The following TENM3 variants were observed in gnomAD, a reference collection of about 807,000 sequenced individuals.
TENM3 encodes the protein teneurin-3.
A neutral mutation model predicts 255.1 loss-of-function variants in TENM3; 63 were observed. The ratio of observed to expected loss-of-function variants is 0.25; its 90% CI spans 0.20 to 0.30. TENM3 has a LOEUF of 0.30. Ranked by LOEUF, TENM3 falls within the 10% of genes least tolerant of loss-of-function variation. The pLI is 1.00. For synonymous variants in TENM3, 1,306 were observed against 1,322.3 expected (o/e 0.99, Z 0.27); for missense variants, 2,929 against 3,461.1 (o/e 0.85, Z 3.86).
At chr4:181,954,252 T>C in the TENM3 span, among the ~76,000 whole-genome samples, 4 of 152,208 alleles carry the variant, frequency 2.6e-5, no homozygotes, top group African/African-American at 9.6e-5. Flanking sequence ...CAAGTTTTTA[T>C]AAGGACATAT....
intron 3 of TENM3, among the ~76,000 whole-genome samples, chr4:182,527,935 C>T: frequency 6.6e-6 from 1 of 152,084 alleles, no homozygotes; most frequent in Non-Finnish European, 1.5e-5. Flanking sequence ...ACCATGTTGG[C>T]CAGGATGGTC....
chr4:182,464,498 C>A (rs916902381), intron 3 of TENM3, among the ~76,000 whole-genome samples: 3 of 152,160 alleles, frequency 2.0e-5, no homozygotes, highest in South Asian at 2.1e-4. Context: ...CTCAGGTGAT[C>A]CGCCCATCTC....
chr4:182,250,823 A>G (rs749349517), intron 1 of TENM3, among the ~76,000 whole-genome samples: 4 of 152,234 alleles, frequency 2.6e-5, no homozygotes, highest in African/African-American at 4.8e-5. Flanking sequence ...CACGTAGTGC[A>G]TAGAATATTA....
the TENM3 span, among the ~76,000 whole-genome samples, chr4:182,007,610 T>C: frequency 1.1e-4 from 16 of 152,324 alleles, no homozygotes; most frequent in Non-Finnish European, 1.5e-4. Flanking sequence ...GTTGAGCCTA[T>C]GTGTGTCTTT....
intron 1 of TENM3, among the ~76,000 whole-genome samples, chr4:182,262,571 A>G (rs376345592): frequency 6.6e-6 from 1 of 152,156 alleles, no homozygotes; most frequent in East Asian, 1.9e-4. Context: ...AACGTCAGGA[A>G]GTTATCCCAT....
At chr4:181,826,257 TA>T in the TENM3 span, among the ~76,000 whole-genome samples, 43 of 150,920 alleles carry the variant, frequency 2.8e-4, 1 homozygote, top group African/African-American at 9.7e-4. Context: ...ATTTGATAAC[TA>T]AAAAAAAATA....
the TENM3 span, among the ~76,000 whole-genome samples, chr4:181,569,978 AAG>A: frequency 5.9e-5 from 9 of 152,188 alleles, 1 homozygote; most frequent in South Asian, 1.0e-3. Context: ...GTGCAGGTAA[AAG>A]AGAGTTCAAG....
chr4:181,563,073 G>T, the TENM3 span, among the ~76,000 whole-genome samples: 904 of 152,316 alleles, frequency 5.9e-3, 8 homozygotes, highest in African/African-American at 0.021. Context: ...ATGGCACCTG[G>T]GTGCATTCGT....
intron 3 of TENM3, among the ~76,000 whole-genome samples, chr4:182,364,789 G>A (rs1371882959): frequency 6.6e-6 from 1 of 152,058 alleles, no homozygotes; most frequent in Admixed American, 6.6e-5. Flanking sequence ...CTTTTTTCAT[G>A]CCATGATTTA....
chr4:182,434,232 G>A (rs35885461), intron 3 of TENM3, among the ~76,000 whole-genome samples: 10,441 of 152,202 alleles, frequency 0.069, 627 homozygotes, highest in South Asian at 0.26. Flanking sequence ...GGTGAGGACC[G>A]GGAAAGGAGG....
chr4:181,592,034 A>G, the TENM3 span, among the ~76,000 whole-genome samples: 119 of 152,314 alleles, frequency 7.8e-4, no homozygotes, highest in African/African-American at 2.7e-3. Flanking sequence ...CTTCAGTGAC[A>G]GGAAGCAGAT....
At chr4:182,516,328 T>C (rs1470051382) in intron 3 of TENM3, among the ~76,000 whole-genome samples, 1 of 152,240 alleles carries the variant, frequency 6.6e-6, no homozygotes, top group African/African-American at 2.4e-5. Context: ...CTTTAAAAAG[T>C]TAACAAATGT....
At chr4:182,075,866 T>C in the TENM3 span, among the ~76,000 whole-genome samples, 1 of 152,194 alleles carries the variant, frequency 6.6e-6, no homozygotes, top group East Asian at 1.9e-4. Flanking sequence ...TCCCCTCAAA[T>C]AAAATCTGTA....
chr4:182,554,228 A>G (rs1318776381), intron 3 of TENM3, among the ~76,000 whole-genome samples: 2 of 151,970 alleles, frequency 1.3e-5, no homozygotes, highest in Non-Finnish European at 2.9e-5. Flanking sequence ...TCGTGTTTTT[A>G]TTTCTCAGTT....
At chr4:181,918,591 G>A in the TENM3 span, among the ~76,000 whole-genome samples, 12 of 152,036 alleles carry the variant, frequency 7.9e-5, no homozygotes, top group African/African-American at 2.9e-4. Context: ...TATTTTGTTA[G>A]ATTAAATGTC....
chr4:181,494,486 A>G, the TENM3 span, among the ~76,000 whole-genome samples: 3 of 151,966 alleles, frequency 2.0e-5, no homozygotes, highest in Non-Finnish European at 1.5e-5. Flanking sequence ...GGGTTTCACT[A>G]TGTTGGCCAG....
chr4:181,624,690 T>A, the TENM3 span, among the ~76,000 whole-genome samples: 1 of 152,212 alleles, frequency 6.6e-6, no homozygotes, highest in African/African-American at 2.4e-5. Flanking sequence ...TCCCTAGCCA[T>A]CTATTGCTGC....
chr4:182,007,230 ACGT>A, the TENM3 span, among the ~76,000 whole-genome samples: 1 of 152,172 alleles, frequency 6.6e-6, no homozygotes, highest in African/African-American at 2.4e-5. Context: ...AGTTCTGTAG[ACGT>A]CTACTAGGTC....
At chr4:182,704,512 G>C (rs1758122299) in intron 12 of TENM3, among the ~76,000 whole-genome samples, 3 of 152,194 alleles carry the variant, frequency 2.0e-5, no homozygotes, top group Non-Finnish European at 4.4e-5. Flanking sequence ...TTATCTCAAA[G>C]CAGCTCTTCC....
Sources: gnomAD v4.1 joint callset for allele counts (sites outside exome capture counted in the v4.1 genomes callset) on GRCh38, gnomAD v4.1.1 for gene constraint, MANE v1.5 for transcripts, NCBI Gene and HGNC (gene_info 2026-07-23, HGNC 2026-07-21) for gene names.